SEC23A: variants seen among roughly 807,000 people sequenced by gnomAD.
SEC23A encodes SEC23 homolog A, COPII component, also known as protein transport protein Sec23A.
Under a neutral mutation model 103.7 loss-of-function variants are expected in SEC23A, and 56 were observed. The ratio of observed to expected loss-of-function variants is 0.54; its 90% CI spans 0.44 to 0.67. The LOEUF is 0.67. Among genes scored for constraint, SEC23A ranks in the 30% least tolerant of loss-of-function variants. The pLI, the probability that SEC23A is intolerant of heterozygous loss-of-function variation, is 0.00. For synonymous variants in SEC23A, 281 were observed against 293.0 expected, an observed-to-expected ratio of 0.96 and a Z score of 0.42; for missense variants, 784 against 936.4, an observed-to-expected ratio of 0.84 and a Z score of 2.12.
chr14:39,102,696 G>GT (rs1555332004), intron 1 of SEC23A, among the ~76,000 whole-genome samples: 1 of 151,814 alleles, frequency 6.6e-6, no homozygotes, highest in Non-Finnish European at 1.5e-5. Flanking sequence ...GAATGAAACA[G>GT]TAAGTCCAAG....
At chr14:39,037,201 A>G (rs1423056021) in intron 19 of SEC23A, among the ~76,000 whole-genome samples, 1 of 152,056 alleles carries the variant, frequency 6.6e-6, no homozygotes, top group Non-Finnish European at 1.5e-5. Flanking sequence ...CTGACCATCA[A>G]ACCCAAATTG....
chr14:39,057,609 T>C (rs1399043675), intron 13 of SEC23A, among the ~76,000 whole-genome samples: 1 of 152,182 alleles, frequency 6.6e-6, no homozygotes, highest in East Asian at 1.9e-4. Context: ...TCAAGTGATC[T>C]TCCTGCCTCA....
At position 39,042,954 on chromosome 14, in the gene SEC23A, T is replaced by A. The variant is rs1014856493; in HGVS notation, c.1900-82A>T. 1.9e-5 allele frequency: 17 copies of A among 902,096 alleles called. No homozygotes were observed. The African/African-American group carries it at 2.5e-4, about 14-fold the overall frequency. The allele number at this position is 902,096 out of a possible 1,614,324, so 55.9% of individuals were successfully genotyped here. ...ATATAAAATAGATGTTTCCAGGTTA[T>A]TTTCCAAGTTTCTTTTATTTATTTA... On this transcript the variant is annotated intron_variant, in intron 16 of 19. Transcript: ENST00000307712.
chr14:39,044,807 ATAAGC>A (rs1164123550), intron 16 of SEC23A, among the ~76,000 whole-genome samples: 3 of 152,244 alleles, frequency 2.0e-5, no homozygotes, highest in Admixed American at 6.5e-5. Flanking sequence ...AAACTCTGGA[ATAAGC>A]TACAGTCTAC....
At chr14:39,101,513 G>T (rs902680125) in intron 1 of SEC23A, among the ~76,000 whole-genome samples, 2 of 151,886 alleles carry the variant, frequency 1.3e-5, no homozygotes, top group Non-Finnish European at 2.9e-5. Flanking sequence ...AGCTACTCAG[G>T]CGGCTGAGAC....
intron 10 of SEC23A, 48 bp from the exon 11 acceptor site, chr14:39,065,041 A>C (rs780582271): frequency 2.1e-5 from 25 of 1,219,472 alleles, no homozygotes; most frequent in Middle Eastern, 1.9e-4. Context: ...AGATACGTTC[A>C]AATGTTCAAC....
intron 1 of SEC23A, among the ~76,000 whole-genome samples, chr14:39,098,161 G>A (rs1333798800): frequency 6.6e-6 from 1 of 152,016 alleles, no homozygotes; most frequent in Non-Finnish European, 1.5e-5. Context: ...GAGCTTTCAA[G>A]GAAAAGTGTT....
At chr14:39,040,320 GGAAT>G (rs1885596891) in intron 18 of SEC23A, 1 of 172,946 alleles carries the variant, frequency 5.8e-6, no homozygotes, top group South Asian at 1.4e-4. Flanking sequence ...CTAGAAAATT[GGAAT>G]GATAGAATGA....
chr14:39,080,706 G>A (rs72671387), intron 7 of SEC23A, among the ~76,000 whole-genome samples: 14,661 of 152,010 alleles, frequency 0.096, 874 homozygotes, highest in African/African-American at 0.17. Flanking sequence ...GCGCCTGGCC[G>A]GGAGTTCTTA....
At chr14:39,094,887 C>G in intron 2 of SEC23A, 1 of 640,196 alleles carries the variant, frequency 1.6e-6, no homozygotes, top group Non-Finnish European at 2.8e-6. Flanking sequence ...GAGGCTAGAT[C>G]ATACAAGGCT....
chr14:39,095,788 G>GA (rs1887865973), intron 2 of SEC23A, 110 bp downstream of exon 2: 2 of 904,220 alleles, frequency 2.2e-6, no homozygotes, highest in South Asian at 3.0e-5. Flanking sequence ...GTCCTAATTT[G>GA]AAAAAATTAG....
At chr14:39,089,493 C>T (rs1887585107) in intron 5 of SEC23A, among the ~76,000 whole-genome samples, 1 of 152,006 alleles carries the variant, frequency 6.6e-6, no homozygotes, top group Non-Finnish European at 1.5e-5. Flanking sequence ...CTGAAGGAAT[C>T]CCTACTATGT....
chr14:39,082,434 T>C (rs1426314919), intron 7 of SEC23A, among the ~76,000 whole-genome samples: 1 of 152,038 alleles, frequency 6.6e-6, no homozygotes, highest in Non-Finnish European at 1.5e-5. Flanking sequence ...GGGTAAAAGT[T>C]TGCTGAGTAC....
At chr14:39,061,413 A>C (rs961748020) in intron 13 of SEC23A, among the ~76,000 whole-genome samples, 2 of 152,056 alleles carry the variant, frequency 1.3e-5, no homozygotes, top group African/African-American at 2.4e-5. Context: ...CACTAATTGA[A>C]AAGTAATGTG....
chr14:39,033,394 T>C, intron 19 of SEC23A, 66 bp from the exon 20 acceptor site: 1 of 1,068,480 alleles, frequency 9.4e-7, no homozygotes, highest in Non-Finnish European at 1.4e-6. Flanking sequence ...TATACACAAA[T>C]GTTTAAAATA....
intron 11 of SEC23A, 79 bp from the exon 12 acceptor site, chr14:39,063,492 G>T: frequency 1.1e-6 from 1 of 887,494 alleles, no homozygotes. Context: ...AATGGAAAAA[G>T]ACCACAGGAA....
At chr14:39,070,696 T>C (rs1886813718) in intron 9 of SEC23A, among the ~76,000 whole-genome samples, 1 of 152,172 alleles carries the variant, frequency 6.6e-6, no homozygotes, top group Non-Finnish European at 1.5e-5. Context: ...ACTTATTCAA[T>C]CTGATGAAAT....
intron 14 of SEC23A, among the ~76,000 whole-genome samples, chr14:39,052,217 G>A (rs1886090089): frequency 6.6e-6 from 1 of 151,922 alleles, no homozygotes; most frequent in African/African-American, 2.4e-5. Context: ...TATAATACCT[G>A]GGTGATGGGA....
chr14:39,061,446 TTA>T (rs1208933567), intron 13 of SEC23A, among the ~76,000 whole-genome samples: 1 of 151,958 alleles, frequency 6.6e-6, no homozygotes, highest in African/African-American at 2.4e-5. Flanking sequence ...GCTATATCAT[TTA>T]TATATATAAT....
Sources: allele counts gnomAD v4.1 joint callset (sites outside exome capture counted in the v4.1 genomes callset), GRCh38; gene constraint gnomAD v4.1.1; transcripts MANE v1.5; gene names NCBI Gene and HGNC (gene_info 2026-07-23, HGNC 2026-07-21).